Variants in LSAMP observed in about 807,000 individuals in gnomAD.
LSAMP encodes limbic system-associated membrane protein.
In LSAMP, 7 loss-of-function variants were observed where a neutral mutation model predicts 38.6. The ratio of observed to expected loss-of-function variants is 0.18; its 90% CI spans 0.10 to 0.34. The LOEUF is 0.34. Among genes scored for constraint, LSAMP ranks in the 10% least tolerant of loss-of-function variants. The probability of loss-of-function intolerance (pLI) is 1.00; values close to 1 mark genes in which losing one functional copy is unlikely to be tolerated. For synonymous variants in LSAMP, 154 were observed against 166.8 expected (o/e 0.92, Z 0.59); for missense variants, 313 against 420.0 (o/e 0.75, Z 2.23).
chr3:116,022,273 C>A (rs1940661356), intron 2 of LSAMP, among the ~76,000 whole-genome samples: 1 of 151,086 alleles, frequency 6.6e-6, no homozygotes, highest in African/African-American at 2.4e-5. Flanking sequence ...ACATAGCTTT[C>A]AGGAGATCCT....
At chr3:115,911,050 A>G (rs1937122999) in intron 3 of LSAMP, among the ~76,000 whole-genome samples, 1 of 152,248 alleles carries the variant, frequency 6.6e-6, no homozygotes, top group South Asian at 2.1e-4. Context: ...TACACATTCT[A>G]TGCATGTAAC....
chr3:115,938,271 C>A (rs1937778987), intron 3 of LSAMP, among the ~76,000 whole-genome samples: 1 of 152,078 alleles, frequency 6.6e-6, no homozygotes, highest in African/African-American at 2.4e-5. Flanking sequence ...TACCTTGATT[C>A]TAAATCACAA....
At chr3:116,168,754 A>G (rs1710122817) in intron 1 of LSAMP, among the ~76,000 whole-genome samples, 1 of 152,212 alleles carries the variant, frequency 6.6e-6, no homozygotes. Context: ...CTTAGGATAA[A>G]TCAAGGAGCT....
At chr3:116,299,051 T>G (rs1000738061) in intron 1 of LSAMP, among the ~76,000 whole-genome samples, 1 of 152,232 alleles carries the variant, frequency 6.6e-6, no homozygotes, top group African/African-American at 2.4e-5. Context: ...CATAGCCTTA[T>G]GCAAATGTCT....
chr3:116,357,769 T>C (rs1339750216), intron 1 of LSAMP, among the ~76,000 whole-genome samples: 25 of 151,986 alleles, frequency 1.6e-4, no homozygotes, highest in Admixed American at 1.6e-3. Flanking sequence ...TATAAGTAAA[T>C]AATAAATAAA....
chr3:115,970,797 C>T (rs1938992817), intron 3 of LSAMP, among the ~76,000 whole-genome samples: 1 of 152,108 alleles, frequency 6.6e-6, no homozygotes, highest in Non-Finnish European at 1.5e-5. Context: ...CTTATTAAAA[C>T]AGTAATTTTG....
At position 116,436,079 on chromosome 3, in the gene LSAMP, G is replaced by A. The variant is rs546246180; in HGVS notation, c.155+8798C>T. Among the ~76,000 whole-genome samples, 11 of 152,250 alleles carry A rather than the reference G, an allele frequency of 7.2e-5. No homozygotes were observed. The East Asian group carries it at 7.7e-4, about 11-fold the overall frequency. On this transcript the variant is annotated intron_variant, in intron 1 of 6. Transcript: ENST00000490035. ...TGCAAAAACAGCTTTGGGAATGATC[G>A]TTGACAAAGCAAACAAAAACGTAAA...
In LSAMP at chr3:116,437,865, C is replaced by T. The variant is rs139180328; in HGVS notation, c.155+7012G>A. ...ATTGATCACTCAAGTTTTTGGATAA[C>T]GAACTAAATTTTTCTCTTCTCAGTT... On this transcript the variant is annotated intron_variant, in intron 1 of 6. Transcript: ENST00000490035. 7.7e-3 allele frequency among the ~76,000 whole-genome samples: 1,175 copies of T among 152,064 alleles called. 11 individuals are homozygous for T. Among genetic ancestry groups the T allele is most frequent in the African/African-American group, 0.026 (1,099 of 41,484 alleles).
At chr3:116,258,481 A>C (rs1020230883) in intron 1 of LSAMP, among the ~76,000 whole-genome samples, 25 of 152,156 alleles carry the variant, frequency 1.6e-4, no homozygotes, top group African/African-American at 6.0e-4. Flanking sequence ...AGTAAACAGA[A>C]TGTCAGGGAT....
intron 1 of LSAMP, among the ~76,000 whole-genome samples, chr3:116,214,310 T>C (rs1057126498): frequency 1.3e-5 from 2 of 152,138 alleles, no homozygotes; most frequent in Non-Finnish European, 2.9e-5. Flanking sequence ...GGTCAGGTCG[T>C]GTTCAAAGAA....
intron 1 of LSAMP, among the ~76,000 whole-genome samples, chr3:116,394,673 A>G (rs1421387378): frequency 3.3e-5 from 5 of 149,680 alleles, no homozygotes; most frequent in Non-Finnish European, 7.4e-5. Flanking sequence ...TTGATGCTTG[A>G]TATCAAGTGA....
At chr3:115,863,736 A>G (rs1305059830) in intron 3 of LSAMP, among the ~76,000 whole-genome samples, 2 of 151,958 alleles carry the variant, frequency 1.3e-5, no homozygotes, top group Non-Finnish European at 2.9e-5. Context: ...TTATATATAT[A>G]TTACCTTTAT....
intron 3 of LSAMP, among the ~76,000 whole-genome samples, chr3:115,896,824 A>G (rs528561920): frequency 1.3e-5 from 2 of 152,200 alleles, no homozygotes; most frequent in South Asian, 4.1e-4. Context: ...TTGAGGGAAG[A>G]GGGCTTCTTT....
At position 115,879,726 on chromosome 3, in the gene LSAMP, T is replaced by C. The variant is rs539738554; in HGVS notation, c.515-27109A>G. ...CTAATTGGCTAAGCCAATGTGTAGA[T>C]GAGAAATAATGGCATCTTATTAAGA... On this transcript the variant is annotated intron_variant, in intron 3 of 6. Coordinates refer to ENST00000490035, the MANE Select transcript of LSAMP (RefSeq NM_002338.5). Among the ~76,000 whole-genome samples the C allele has an allele frequency of 7.9e-5, 12 of 151,954 alleles. No homozygotes were observed. The East Asian group carries it at 2.0e-3, about 25-fold the overall frequency.
intron 1 of LSAMP, among the ~76,000 whole-genome samples, chr3:116,424,450 T>A (rs1049076675): frequency 3.9e-5 from 6 of 152,170 alleles, no homozygotes; most frequent in African/African-American, 1.4e-4. Context: ...CAAGGGGCAA[T>A]TATTGATGGA....
intron 1 of LSAMP, among the ~76,000 whole-genome samples, chr3:116,175,840 C>T (rs909450487): frequency 6.6e-5 from 10 of 152,040 alleles, no homozygotes; most frequent in Non-Finnish European, 1.5e-4. Context: ...ACTTTCAGTA[C>T]AATGCAGAGA....
chr3:116,223,824 G>A (rs1268937739), intron 1 of LSAMP, among the ~76,000 whole-genome samples: 1 of 152,122 alleles, frequency 6.6e-6, no homozygotes, highest in Non-Finnish European at 1.5e-5. Context: ...CCACAATGCT[G>A]CTGCCTGAGG....
chr3:116,138,203 T>G (rs1576387206), intron 1 of LSAMP, among the ~76,000 whole-genome samples: 1 of 152,206 alleles, frequency 6.6e-6, no homozygotes, highest in African/African-American at 2.4e-5. Context: ...AAATTATTAT[T>G]ATGTCACACA....
chr3:116,009,674 T>C (rs931822529), intron 3 of LSAMP, among the ~76,000 whole-genome samples: 4 of 152,148 alleles, frequency 2.6e-5, no homozygotes, highest in East Asian at 1.9e-4. Context: ...AGAAGGGTTT[T>C]ATAGTAAATT....
Sources: gnomAD v4.1 joint callset for allele counts (sites outside exome capture counted in the v4.1 genomes callset) on GRCh38, gnomAD v4.1.1 for gene constraint, MANE v1.5 for transcripts, NCBI Gene and HGNC (gene_info 2026-07-23, HGNC 2026-07-21) for gene names.